The following GULP1 variants were observed in gnomAD, a reference collection of about 807,000 sequenced individuals.
GULP1 encodes GULP PTB domain containing engulfment adaptor 1.
A neutral mutation model predicts 40.9 loss-of-function variants in GULP1; 19 were observed. That is an observed-to-expected ratio of 0.46 (90% CI 0.32 to 0.68). The LOEUF (loss-of-function observed/expected upper bound fraction) is 0.68. Among genes scored for constraint, GULP1 ranks in the 30% least tolerant of loss-of-function variants. The pLI, the probability that GULP1 is intolerant of heterozygous loss-of-function variation, is 0.03. For synonymous variants in GULP1, 119 were observed against 117.6 expected (o/e 1.01, Z -0.08); for missense variants, 312 against 362.2 (o/e 0.86, Z 1.12).
intron 4 of GULP1, among the ~76,000 whole-genome samples, chr2:188,485,720 A>T (rs1436642351): frequency 6.6e-6 from 1 of 152,012 alleles, no homozygotes; most frequent in Non-Finnish European, 1.5e-5. Context: ...GTCTGTGATT[A>T]CTCATCAGTA....
chr2:188,449,303 C>T (rs769663943), intron 2 of GULP1, among the ~76,000 whole-genome samples: 1 of 152,114 alleles, frequency 6.6e-6, no homozygotes, highest in Non-Finnish European at 1.5e-5. Context: ...TAACCTCAGG[C>T]GTAGGTAATG....
intron 2 of GULP1, among the ~76,000 whole-genome samples, chr2:188,471,440 T>C (rs919418465): frequency 3.3e-5 from 5 of 152,128 alleles, no homozygotes; most frequent in Admixed American, 2.6e-4. Flanking sequence ...GATCTTCTCT[T>C]CCTTTTTTCT....
intron 7 of GULP1, among the ~76,000 whole-genome samples, chr2:188,548,268 G>A (rs1692501785): frequency 6.6e-6 from 1 of 152,072 alleles, no homozygotes; most frequent in Admixed American, 6.6e-5. Context: ...AATGAGTTTA[G>A]CCAGGTGGCA....
chr2:188,356,906 A>G (rs758192650), intron 1 of GULP1, among the ~76,000 whole-genome samples: 7 of 152,176 alleles, frequency 4.6e-5, no homozygotes, highest in Non-Finnish European at 8.8e-5. Context: ...GTAAATTCAT[A>G]TATTTACAGC....
At chr2:188,576,413 A>G (rs1448915244) in intron 9 of GULP1, among the ~76,000 whole-genome samples, 2 of 152,152 alleles carry the variant, frequency 1.3e-5, no homozygotes, top group Non-Finnish European at 2.9e-5. Context: ...CCCTAACAAT[A>G]AAAAGTATAC....
intron 7 of GULP1, among the ~76,000 whole-genome samples, chr2:188,544,535 T>A (rs539997245): frequency 7.4e-4 from 108 of 144,976 alleles, no homozygotes; most frequent in East Asian, 3.0e-3. Flanking sequence ...CTTAAAGTAT[T>A]ATTATAATAA....
intron 4 of GULP1, among the ~76,000 whole-genome samples, chr2:188,510,105 G>T (rs552456215): frequency 6.6e-6 from 1 of 152,072 alleles, no homozygotes; most frequent in African/African-American, 2.4e-5. Context: ...GGGAAAATAA[G>T]AGATAAATTT....
At chr2:188,573,446 A>C (rs1576215434) in intron 9 of GULP1, among the ~76,000 whole-genome samples, 1 of 152,358 alleles carries the variant, frequency 6.6e-6, no homozygotes, top group Admixed American at 6.5e-5. Flanking sequence ...TAAAATATTT[A>C]ATAGCTTACC....
chr2:188,417,205 T>C (rs1447605683), intron 2 of GULP1, among the ~76,000 whole-genome samples: 1 of 152,230 alleles, frequency 6.6e-6, no homozygotes, highest in Non-Finnish European at 1.5e-5. Context: ...CCATTCTCTC[T>C]TAGGACATGA....
intron 9 of GULP1, among the ~76,000 whole-genome samples, chr2:188,580,025 A>T (rs570607980): frequency 6.6e-6 from 1 of 152,290 alleles, no homozygotes; most frequent in Admixed American, 6.5e-5. Flanking sequence ...TAACAGTTTA[A>T]GTAAAAAGAT....
At chr2:188,346,561 C>G (rs1274418502) in intron 1 of GULP1, among the ~76,000 whole-genome samples, 2 of 151,180 alleles carry the variant, frequency 1.3e-5, no homozygotes, top group Non-Finnish European at 2.9e-5. Flanking sequence ...GGTGCGATCT[C>G]GGGTCACTAC....
intron 1 of GULP1, among the ~76,000 whole-genome samples, chr2:188,306,509 A>G (rs2037122062): frequency 6.6e-6 from 1 of 152,142 alleles, no homozygotes; most frequent in African/African-American, 2.4e-5. Context: ...TCTAGTTGTG[A>G]GGGAAGATTT....
At chr2:188,532,608 A>G (rs750085467) in intron 6 of GULP1, among the ~76,000 whole-genome samples, 13 of 152,042 alleles carry the variant, frequency 8.6e-5, no homozygotes, top group African/African-American at 2.9e-4. Context: ...AAATGAGACT[A>G]TTTGTTCCAA....
chr2:188,386,353 G>A (rs941030744), intron 2 of GULP1, among the ~76,000 whole-genome samples: 1 of 152,062 alleles, frequency 6.6e-6, no homozygotes. Flanking sequence ...CCTTCCACAA[G>A]GTTTCTCCCA....
At chr2:188,538,738 GT>G (rs778083295) in intron 6 of GULP1, among the ~76,000 whole-genome samples, 6 of 151,306 alleles carry the variant, frequency 4.0e-5, no homozygotes, top group Non-Finnish European at 8.9e-5. Flanking sequence ...GAGAGAGACA[GT>G]TCTCAGTTCT....
intron 2 of GULP1, among the ~76,000 whole-genome samples, chr2:188,420,140 G>A (rs903052145): frequency 6.6e-6 from 1 of 152,000 alleles, no homozygotes; most frequent in African/African-American, 2.4e-5. Flanking sequence ...CTCCAGCTTT[G>A]TTTTTTCTGG....
chr2:188,589,764 T>C, intron 11 of GULP1: 1 of 1,325,164 alleles, frequency 7.5e-7, no homozygotes, highest in Non-Finnish European at 1.0e-6. Context: ...GGTATATTAT[T>C]TTTATAATAA....
intron 1 of GULP1, among the ~76,000 whole-genome samples, chr2:188,375,527 G>T (rs1459172417): frequency 3.3e-5 from 5 of 152,168 alleles, no homozygotes; most frequent in Non-Finnish European, 7.4e-5. Context: ...AGCTTCCATT[G>T]TGTGACTGTT....
intron 1 of GULP1, among the ~76,000 whole-genome samples, chr2:188,305,858 G>C (rs1265131764): frequency 6.6e-6 from 1 of 152,096 alleles, no homozygotes; most frequent in Non-Finnish European, 1.5e-5. Flanking sequence ...GCTCACTGCT[G>C]CCTCTGCCTC....
Sources: gnomAD v4.1 joint callset for allele counts (sites outside exome capture counted in the v4.1 genomes callset) on GRCh38, gnomAD v4.1.1 for gene constraint, MANE v1.5 for transcripts, NCBI Gene and HGNC (gene_info 2026-07-23, HGNC 2026-07-21) for gene names.